The following SCAPER variants were observed in gnomAD, a reference collection of about 807,000 sequenced individuals.
SCAPER encodes the protein S-phase cyclin A associated protein in the ER, also known as S phase cyclin A-associated protein in the endoplasmic reticulum.
Under a neutral mutation model 182.2 loss-of-function variants are expected in SCAPER, and 98 were observed. The observed-to-expected ratio is 0.54, with a 90% CI of 0.46 to 0.64. The LOEUF (loss-of-function observed/expected upper bound fraction) is 0.64. SCAPER is among the 30% of genes least tolerant of loss of function. The pLI, the probability that SCAPER is intolerant of heterozygous loss-of-function variation, is 0.00. For synonymous variants in SCAPER, 605 were observed against 564.6 expected (o/e 1.07, Z -1.01); for missense variants, 1,432 against 1,690.0 (o/e 0.85, Z 2.68).
intron 21 of SCAPER, among the ~76,000 whole-genome samples, chr15:76,651,044 T>G (rs1390673810): frequency 2.0e-5 from 3 of 151,956 alleles, no homozygotes; most frequent in Non-Finnish European, 4.4e-5. Context: ...TAGCTATAAT[T>G]ACATATATTA....
At chr15:76,861,622 C>G (rs1053881836) in intron 3 of SCAPER, among the ~76,000 whole-genome samples, 1 of 151,886 alleles carries the variant, frequency 6.6e-6, no homozygotes, top group African/African-American at 2.4e-5. Flanking sequence ...TTTTCTTGTT[C>G]AAATAATAAT....
At chr15:76,573,090 T>C (rs920744267) in intron 23 of SCAPER, among the ~76,000 whole-genome samples, 1 of 152,138 alleles carries the variant, frequency 6.6e-6, no homozygotes, top group Non-Finnish European at 1.5e-5. Context: ...GAAAAAATAA[T>C]TGTAGAGGTC....
chr15:76,742,363 C>T (rs117910494), intron 15 of SCAPER, among the ~76,000 whole-genome samples: 15 of 117,418 alleles, frequency 1.3e-4, no homozygotes, highest in Non-Finnish European at 2.5e-4. Flanking sequence ...AGCAAAGGAC[C>T]AGGCACAAGA....
At chr15:76,812,978 GAT>G (rs1036637722) in intron 5 of SCAPER, among the ~76,000 whole-genome samples, 2 of 147,816 alleles carry the variant, frequency 1.4e-5, no homozygotes, top group Non-Finnish European at 3.0e-5. Context: ...GTCAGAAAAA[GAT>G]AACACAAAAA....
At chr15:76,652,612 G>A (rs1053775205) in intron 21 of SCAPER, among the ~76,000 whole-genome samples, 3 of 150,098 alleles carry the variant, frequency 2.0e-5, no homozygotes, top group Non-Finnish European at 4.4e-5. Flanking sequence ...TCGGGAGGCT[G>A]AGGCAGGAGA....
chr15:76,658,867 A>G (rs2055888325), intron 21 of SCAPER, among the ~76,000 whole-genome samples: 1 of 152,220 alleles, frequency 6.6e-6, no homozygotes, highest in South Asian at 2.1e-4. Flanking sequence ...GGCTAGCCAT[A>G]TGCAGAAGCT....
chr15:76,797,925 T>G (rs1220470271), intron 7 of SCAPER, among the ~76,000 whole-genome samples: 1 of 39,686 alleles, frequency 2.5e-5, no homozygotes, highest in Non-Finnish European at 5.3e-5. Context: ...TGCCTACTTT[T>G]CAACCAAAAA....
At chr15:76,441,820 CCT>C (rs1305947625) in intron 25 of SCAPER, among the ~76,000 whole-genome samples, 1 of 150,426 alleles carries the variant, frequency 6.6e-6, no homozygotes, top group African/African-American at 2.4e-5. Context: ...TACATTATTT[CCT>C]CTCTCTCTCA....
chr15:76,836,797 C>T (rs1369233879), intron 5 of SCAPER, among the ~76,000 whole-genome samples: 2 of 151,914 alleles, frequency 1.3e-5, no homozygotes, highest in African/African-American at 4.8e-5. Context: ...TGGCATGAAC[C>T]CAGGAGGCAC....
chr15:76,821,344 T>G (rs1598921245), intron 5 of SCAPER, among the ~76,000 whole-genome samples: 1 of 152,126 alleles, frequency 6.6e-6, no homozygotes, highest in African/African-American at 2.4e-5. Flanking sequence ...AGGGGCCAAG[T>G]AAGGTGGCTC....
intron 26 of SCAPER, among the ~76,000 whole-genome samples, chr15:76,415,026 C>A (rs2045556323): frequency 6.6e-6 from 1 of 152,150 alleles, no homozygotes; most frequent in Non-Finnish European, 1.5e-5. Flanking sequence ...CAGACTCATA[C>A]AATGACTGAC....
chr15:76,701,607 A>C, intron 20 of SCAPER, 151 bp downstream of exon 20: 2 of 523,854 alleles, frequency 3.8e-6, no homozygotes, highest in South Asian at 6.4e-5. Context: ...AAATAATGAC[A>C]CATTTGTACA....
rs76154448 is a variant in SCAPER at position 76,373,748 on chromosome 15, G to T, written c.3855+2414C>A. On this transcript the variant is annotated intron_variant, in intron 29 of 31. Coordinates refer to ENST00000563290, the MANE Select transcript of SCAPER (RefSeq NM_020843.4). Reference sequence around the variant, plus strand: ...AACAGACTGCTTATTCCTGCAGTGCGGTTCAGGGAATGCACTGAACATACA... The same window carrying T: ...AACAGACTGCTTATTCCTGCAGTGCTGTTCAGGGAATGCACTGAACATACA... Among the ~76,000 whole-genome samples the T allele has an allele frequency of 8.3e-3, 1,267 of 152,296 alleles. 13 individuals are homozygous for T. Among genetic ancestry groups the T allele is most frequent in the African/African-American group, 0.029 (1,202 of 41,558 alleles).
At chr15:76,654,999 T>C (rs2055503558) in intron 21 of SCAPER, among the ~76,000 whole-genome samples, 1 of 152,236 alleles carries the variant, frequency 6.6e-6, no homozygotes, top group African/African-American at 2.4e-5. Context: ...CAGAGTATCT[T>C]CTTACCTCAA....
intron 4 of SCAPER, among the ~76,000 whole-genome samples, chr15:76,842,610 A>C (rs2069589830): frequency 6.6e-6 from 1 of 152,212 alleles, no homozygotes; most frequent in Non-Finnish European, 1.5e-5. Flanking sequence ...TCATTACAGC[A>C]GTATGAAAAC....
chr15:76,697,909 G>A (rs750164178), intron 20 of SCAPER, among the ~76,000 whole-genome samples: 1 of 151,960 alleles, frequency 6.6e-6, no homozygotes, highest in Non-Finnish European at 1.5e-5. Flanking sequence ...CAAAATGCTG[G>A]GATTACAGGC....
intron 14 of SCAPER, among the ~76,000 whole-genome samples, chr15:76,757,364 A>T (rs1298863654): frequency 6.6e-6 from 1 of 151,886 alleles, no homozygotes; most frequent in Non-Finnish European, 1.5e-5. Context: ...CTCTCATTTC[A>T]CTTAGCTTAA....
intron 26 of SCAPER, among the ~76,000 whole-genome samples, chr15:76,407,496 C>G (rs538892942): frequency 2.6e-5 from 4 of 152,266 alleles, no homozygotes; most frequent in African/African-American, 9.6e-5. Context: ...GTTTTACTTA[C>G]GTTGTTTCAA....
intron 5 of SCAPER, among the ~76,000 whole-genome samples, chr15:76,835,933 CAAA>C (rs35242954): frequency 1.1e-5 from 1 of 94,298 alleles, no homozygotes; most frequent in African/African-American, 4.4e-5. Flanking sequence ...ACATTAGCCA[CAAA>C]AAAAAAAAAA....
Sources: allele counts gnomAD v4.1 joint callset (sites outside exome capture counted in the v4.1 genomes callset), GRCh38; gene constraint gnomAD v4.1.1; transcripts MANE v1.5; gene names NCBI Gene and HGNC (gene_info 2026-07-23, HGNC 2026-07-21).